The following ZC4H2 variants were observed in gnomAD, a reference collection of about 807,000 sequenced individuals.
ZC4H2 encodes the protein zinc finger C4H2 domain-containing protein.
For missense variants in ZC4H2, 137 were observed against 173.9 expected, an observed-to-expected ratio of 0.79 and a Z score of 1.19; for synonymous variants, 84 against 66.3, an observed-to-expected ratio of 1.27 and a Z score of -1.30.
chrX:64,964,427 G>T (rs761822988), intron 1 of ZC4H2, among the ~76,000 whole-genome samples: 1 of 111,069 alleles, frequency 9.0e-6, no homozygotes, highest in South Asian at 3.7e-4. Flanking sequence ...TAATCAAATT[G>T]CTCAAAACCA....
chrX:65,020,935 C>CCACTAGCCAGACTAATAAAGAAGA (rs1569232496), intron 1 of ZC4H2, among the ~76,000 whole-genome samples: 1 of 111,200 alleles, frequency 9.0e-6, no homozygotes, highest in African/African-American at 3.3e-5. Context: ...AAAAGAAAGG[C>CCACTAGCCAGACTAATAAAGAAGA]ATTACATAAT....
At chrX:64,989,514 A>T (rs1932266914) in intron 1 of ZC4H2, among the ~76,000 whole-genome samples, 1 of 112,108 alleles carries the variant, frequency 8.9e-6, no homozygotes, top group African/African-American at 3.2e-5. Context: ...CACCAAAAGC[A>T]TAATCCATAA....
intron 1 of ZC4H2, among the ~76,000 whole-genome samples, chrX:65,023,894 G>A (rs946218470): frequency 3.6e-5 from 4 of 111,623 alleles, no homozygotes; most frequent in South Asian, 3.8e-4. Context: ...AAGAAAATGC[G>A]GCACATATAC....
Position 64,991,831 on chromosome X carries a change from C to T in ZC4H2, c.-272+42798G>A, listed in dbSNP as rs754677913. 2.7e-5 allele frequency among the ~76,000 whole-genome samples: 3 copies of T among 112,212 alleles called. No homozygotes were observed. The East Asian group carries it at 8.4e-4, about 31-fold the overall frequency. On this transcript the variant is annotated intron_variant, in intron 1 of 4. Transcript: ENST00000337990. ...GGTGTGGTCCGTCTTTACAATGAAACATTATTCATCCATAAAACAAATGAA... is the reference window on the plus strand; with the variant it reads ...GGTGTGGTCCGTCTTTACAATGAAATATTATTCATCCATAAAACAAATGAA...
intron 1 of ZC4H2, among the ~76,000 whole-genome samples, chrX:64,938,678 C>CA (rs1388583906): frequency 1.8e-5 from 2 of 111,695 alleles, no homozygotes. Flanking sequence ...TAACCAATGA[C>CA]AAAAAAGTCA....
chrX:64,939,680 G>A (rs929627644), intron 1 of ZC4H2, among the ~76,000 whole-genome samples: 5 of 112,077 alleles, frequency 4.5e-5, no homozygotes, highest in Non-Finnish European at 9.4e-5. Context: ...AAGCAATGGG[G>A]AAAGGATTCC....
In ZC4H2 at chrX:64,946,581, GCACACA is replaced by G. The variant is rs61275459; in HGVS notation, c.54-24599_54-24594del. ...AACCCCTTGGTTGTTTTAAATGCGT[GCACACA>G]CACACACACACACACACACACACAC... On this transcript the variant is annotated intron_variant, in intron 1 of 4. Coordinates refer to ENST00000374839, the MANE Select transcript of ZC4H2 (RefSeq NM_018684.4). Among the ~76,000 whole-genome samples the G allele has an allele frequency of 2.5e-3, 239 of 95,868 alleles. 1 individual carries two copies. Among genetic ancestry groups the G allele is most frequent in the South Asian group, 3.7e-3 (7 of 1,876 alleles). The allele number at this position is 95,868 out of a possible 115,157, so 83.2% of individuals were successfully genotyped here.
At chrX:64,953,647 T>C (rs1484022891) in intron 1 of ZC4H2, among the ~76,000 whole-genome samples, 1 of 111,507 alleles carries the variant, frequency 9.0e-6, no homozygotes, top group Non-Finnish European at 1.9e-5. Context: ...AGAATGGCGA[T>C]CATTAAAAAG....
chrX:64,933,415 A>T (rs770462973), intron 1 of ZC4H2, among the ~76,000 whole-genome samples: 1 of 111,619 alleles, frequency 9.0e-6, no homozygotes, highest in African/African-American at 3.3e-5. Flanking sequence ...TCTTTTCAGG[A>T]TGATTTAGAA....
intron 1 of ZC4H2, among the ~76,000 whole-genome samples, chrX:64,987,732 CT>C: frequency 9.3e-6 from 1 of 107,429 alleles, no homozygotes; most frequent in African/African-American, 3.4e-5. Context: ...CCTCTGAATT[CT>C]TTTTTTTATT....
At chrX:64,928,752 CTTCT>C (rs1273606113) in intron 1 of ZC4H2, among the ~76,000 whole-genome samples, 1 of 98,710 alleles carries the variant, frequency 1.0e-5, no homozygotes, top group Non-Finnish European at 2.0e-5. Flanking sequence ...TCTCCTTCTT[CTTCT>C]TTTCTTCTTC....
chrX:64,948,929 A>T (rs1930665410), intron 1 of ZC4H2, among the ~76,000 whole-genome samples: 1 of 112,226 alleles, frequency 8.9e-6, no homozygotes, highest in Admixed American at 9.5e-5. Flanking sequence ...ATTGTAAAAC[A>T]AATTTTGTCT....
chrX:64,954,132 C>T (rs1285528220), intron 1 of ZC4H2, among the ~76,000 whole-genome samples: 1 of 102,534 alleles, frequency 9.8e-6, no homozygotes, highest in African/African-American at 3.7e-5. Context: ...ATCACATGGA[C>T]GCAGGAAGGG....
At chrX:65,018,517 CCA>C (rs1480863864) in intron 1 of ZC4H2, among the ~76,000 whole-genome samples, 1 of 112,291 alleles carries the variant, frequency 8.9e-6, no homozygotes, top group Non-Finnish European at 1.9e-5. Flanking sequence ...TGTGCTTTTC[CCA>C]CAGTCTTCAC....
At chrX:64,985,130 C>T (rs1932156952) in intron 1 of ZC4H2, among the ~76,000 whole-genome samples, 1 of 112,207 alleles carries the variant, frequency 8.9e-6, no homozygotes, top group Non-Finnish European at 1.9e-5. Flanking sequence ...CATGACTTTG[C>T]TGTTGTAAAT....
At chrX:64,950,086 T>C (rs1419995291) in intron 1 of ZC4H2, among the ~76,000 whole-genome samples, 1 of 112,301 alleles carries the variant, frequency 8.9e-6, no homozygotes, top group East Asian at 2.8e-4. Context: ...TCTTTATTTC[T>C]GCCTTCATTT....
chrX:65,023,037 TA>T (rs780669642), intron 1 of ZC4H2, among the ~76,000 whole-genome samples: 11 of 111,974 alleles, frequency 9.8e-5, no homozygotes, highest in Non-Finnish European at 1.9e-5. Context: ...TTGGTACCAG[TA>T]CCATCCTGTT....
rs755056623 is a variant in ZC4H2 at position 64,995,579 on chromosome X, C to T, written c.-272+39050G>A. 2.0e-3 allele frequency among the ~76,000 whole-genome samples: 225 copies of T among 112,278 alleles called. 1 individual carries two copies. Among genetic ancestry groups the T allele is most frequent in the African/African-American group, 6.9e-3 (212 of 30,909 alleles). ...TTCGCCATATTGCCCAGGCTGGTCT[C>T]GAACTCCTGAGCTCAAGCCATCCAC... On this transcript the variant is annotated intron_variant, in intron 1 of 4. Transcript: ENST00000337990.
At chrX:64,969,297 GA>G (rs1442209896) in intron 1 of ZC4H2, among the ~76,000 whole-genome samples, 1 of 111,837 alleles carries the variant, frequency 8.9e-6, no homozygotes, top group Non-Finnish European at 1.9e-5. Context: ...CAAAGAAGGA[GA>G]AGTTCTAGGG....
Sources: gnomAD v4.1 joint callset for allele counts (sites outside exome capture counted in the v4.1 genomes callset) on GRCh38, gnomAD v4.1.1 for gene constraint, MANE v1.5 for transcripts, NCBI Gene and HGNC (gene_info 2026-07-23, HGNC 2026-07-21) for gene names.